Variants in MAGI1 observed in about 807,000 individuals in gnomAD.
MAGI1 encodes the protein membrane associated guanylate kinase, WW and PDZ domain containing 1, also known as membrane-associated guanylate kinase, WW and PDZ domain-containing protein 1.
Under a neutral mutation model 139.9 loss-of-function variants are expected in MAGI1, and 58 were observed. The ratio of observed to expected loss-of-function variants is 0.41; its 90% CI spans 0.34 to 0.52. MAGI1 has a LOEUF of 0.52. Ranked by LOEUF, MAGI1 falls within the 20% of genes least tolerant of loss-of-function variation. The pLI is 0.12. For missense variants in MAGI1, 1,874 were observed against 1,901.6 expected (o/e 0.99, Z 0.27); for synonymous variants, 812 against 737.9 (o/e 1.10, Z -1.63).
At chr3:65,472,876 T>G (rs555521296) in intron 4 of MAGI1, among the ~76,000 whole-genome samples, 38 of 152,316 alleles carry the variant, frequency 2.5e-4, no homozygotes, top group African/African-American at 9.1e-4. Context: ...CTTAATTTCT[T>G]TAAAAAATAA....
At chr3:65,857,537 C>CA (rs750296488) in intron 1 of MAGI1, among the ~76,000 whole-genome samples, 1 of 152,130 alleles carries the variant, frequency 6.6e-6, no homozygotes, top group Non-Finnish European at 1.5e-5. Flanking sequence ...CTGGGTCACA[C>CA]GGTTCAGGGT....
intron 1 of MAGI1, among the ~76,000 whole-genome samples, chr3:65,952,086 A>G (rs1460077056): frequency 6.6e-6 from 1 of 152,186 alleles, no homozygotes; most frequent in Non-Finnish European, 1.5e-5. Context: ...GGAAATGCTC[A>G]AATTCAGTTA....
Position 65,813,299 on chromosome 3 carries a change from T to C in MAGI1, c.314-191211A>G, listed in dbSNP as rs375744018. 1.1e-4 allele frequency among the ~76,000 whole-genome samples: 16 copies of C among 152,260 alleles called. No homozygotes were observed. The South Asian group carries it at 1.5e-3, about 14-fold the overall frequency. ...CCTGTAACAACTGAGGCTCCTTTTA[T>C]TGTTCACTCCTCAACTGGCTGCTCC... On this transcript the variant is annotated intron_variant, in intron 1 of 22. Transcript: ENST00000402939.
chr3:65,409,106 C>A (rs762226273), intron 12 of MAGI1, among the ~76,000 whole-genome samples: 1 of 152,166 alleles, frequency 6.6e-6, no homozygotes, highest in African/African-American at 2.4e-5. Flanking sequence ...TGAGAAGGAA[C>A]CAGTCATGAG....
intron 1 of MAGI1, among the ~76,000 whole-genome samples, chr3:65,646,433 C>T (rs959817951): frequency 6.6e-6 from 1 of 151,982 alleles, no homozygotes; most frequent in African/African-American, 2.4e-5. Context: ...GAGAAAGGAA[C>T]AAATCAACAA....
chr3:65,842,091 T>A (rs912611087), intron 1 of MAGI1, among the ~76,000 whole-genome samples: 2 of 152,188 alleles, frequency 1.3e-5, no homozygotes, highest in African/African-American at 4.8e-5. Context: ...ATGAAGAGTA[T>A]TGACTCAAAT....
intron 1 of MAGI1, among the ~76,000 whole-genome samples, chr3:65,653,042 T>C (rs748478109): frequency 1.3e-5 from 2 of 152,172 alleles, no homozygotes; most frequent in African/African-American, 4.8e-5. Flanking sequence ...TCCGGGTCAC[T>C]TGTAGTTTCA....
chr3:65,455,206 T>C lies in MAGI1; in HGVS notation c.960-1866A>G, dbSNP rs374207902. Among the ~76,000 whole-genome samples the C allele has an allele frequency of 1.3e-4, 20 of 152,268 alleles. No homozygotes were observed. In the East Asian group the frequency reaches 3.1e-3, roughly 24 times the overall value. On this transcript the variant is annotated intron_variant, in intron 5 of 22. Coordinates refer to ENST00000402939, the MANE Select transcript of MAGI1 (RefSeq NM_001033057.2). ...CCCTTTACCTAGAACCCATCAATAA[T>C]AACATCCTGCAAAACTATAGTATAC...
chr3:65,742,798 A>C (rs537541272), intron 1 of MAGI1, among the ~76,000 whole-genome samples: 3 of 152,206 alleles, frequency 2.0e-5, no homozygotes, highest in Non-Finnish European at 4.4e-5. Flanking sequence ...GCATCTGTGA[A>C]AACCTACAGC....
chr3:65,542,008 A>G (rs1431301827), intron 2 of MAGI1, among the ~76,000 whole-genome samples: 2 of 152,222 alleles, frequency 1.3e-5, no homozygotes, highest in South Asian at 2.1e-4. Context: ...ACATGATTGT[A>G]TATTTAGAAA....
Position 66,038,120 on chromosome 3 carries a change from C to T in MAGI1, c.189G>A (p.Arg63=), listed in dbSNP as rs771353388. Residue 63 remains arginine (R), a synonymous_variant, in exon 1 of 23, where the codon AGG becomes AGA. Coordinates refer to ENST00000402939, the MANE Select transcript of MAGI1 (RefSeq NM_001033057.2). ...CCAGAAGCAGCTCCCCTTCGCCCAG[C>T]CTCGGGCCCTCGCCGCCGCCGGGAA... ...AGLPGGGEGP[R]LGEGELLLEV... 6.2e-7 allele frequency: 1 copy of T among 1,612,296 alleles called. No homozygotes were observed. Among genetic ancestry groups the T allele is most frequent in the Non-Finnish European group, 8.5e-7 (1 of 1,179,578 alleles).
chr3:65,823,253 T>C (rs1327421004), intron 1 of MAGI1, among the ~76,000 whole-genome samples: 1 of 152,188 alleles, frequency 6.6e-6, no homozygotes, highest in Non-Finnish European at 1.5e-5. Context: ...AAGCAGAGTT[T>C]GCAAAAGTGG....
At position 65,355,024 on chromosome 3, in the gene MAGI1, T is replaced by G. The variant is rs1003883552; in HGVS notation, c.*1354A>C. On this transcript the variant is annotated 3_prime_UTR_variant, in exon 23 of 23. Transcript: ENST00000402939. ...CAATGCACTGTAAGCAGCGGTTTGC[T>G]GTAGTGGTCCAACAGGTACAAGCAA... is the stretch of plus-strand genomic sequence containing the variant. The G allele has an allele frequency of 3.3e-5, 5 of 152,620 alleles. No homozygotes were observed. The highest frequency in any genetic ancestry group is 2.0e-4 in the Admixed American group (3 of 15,274). The allele number at this position is 152,620 out of a possible 1,614,324, so 9.5% of individuals were successfully genotyped here.
chr3:65,361,279 C>T lies in MAGI1; in HGVS notation c.3554G>A (p.Arg1185Gln), dbSNP rs767047773. The change falls in exon 22 of 23, where the codon CGA (arginine) becomes CAA (glutamine). Residue 1185 changes from arginine (R) to glutamine (Q), a missense_variant. Arg to Gln is a conservative substitution (Grantham distance 43). This residue lies in a region of MAGI1 where 653 missense variants were observed against 644.5 expected (regional missense o/e 1.01). Coordinates refer to ENST00000402939, the MANE Select transcript of MAGI1 (RefSeq NM_001033057.2). ...GETTKNMKHS[R>Q]AIELIKNGGR... is the part of the protein sequence containing the mutation. ...ACCATTCTTAATCAGTTCTATAGCTCGAGAATGCTTCATGTTTTTGGTGGT... is the reference window on the plus strand; with the variant it reads ...ACCATTCTTAATCAGTTCTATAGCTTGAGAATGCTTCATGTTTTTGGTGGT... The T allele has an allele frequency of 6.2e-6, 10 of 1,613,982 alleles. No homozygotes were observed. The highest frequency in any genetic ancestry group is 5.0e-5 in the Admixed American group (3 of 59,996).
At chr3:65,736,573 G>C (rs1449133827) in intron 1 of MAGI1, among the ~76,000 whole-genome samples, 20 of 152,036 alleles carry the variant, frequency 1.3e-4, no homozygotes, top group Admixed American at 1.3e-3. Flanking sequence ...ACCTGGGGTG[G>C]GTAAGGGCAG....
chr3:65,886,604 G>C (rs1290092685), intron 1 of MAGI1, among the ~76,000 whole-genome samples: 2 of 152,170 alleles, frequency 1.3e-5, no homozygotes, highest in Admixed American at 1.3e-4. Flanking sequence ...TCTGTGAAGA[G>C]AAGAGACCTG....
chr3:65,799,853 T>C (rs2040404458), intron 1 of MAGI1, among the ~76,000 whole-genome samples: 1 of 152,190 alleles, frequency 6.6e-6, no homozygotes, highest in Non-Finnish European at 1.5e-5. Flanking sequence ...CTCACATTAA[T>C]AATTGTACCC....
intron 1 of MAGI1, among the ~76,000 whole-genome samples, chr3:65,640,813 C>G (rs186012426): frequency 6.6e-6 from 1 of 152,264 alleles, no homozygotes; most frequent in African/African-American, 2.4e-5. Context: ...ATCCAACTAA[C>G]GAGTGTTCCT....
At chr3:65,631,773 G>A (rs1432991417) in intron 1 of MAGI1, among the ~76,000 whole-genome samples, 1 of 152,104 alleles carries the variant, frequency 6.6e-6, no homozygotes, top group East Asian at 1.9e-4. Context: ...CAGCACTTTG[G>A]GAGGCTGAGG....
Sources: gnomAD v4.1 joint callset for allele counts (sites outside exome capture counted in the v4.1 genomes callset) on GRCh38, gnomAD v4.1.1 for gene constraint, gnomAD v4.1.1 regional missense constraint, MANE v1.5 for transcripts, NCBI Gene and HGNC (gene_info 2026-07-23, HGNC 2026-07-21) for gene names.